LEAP2: variants seen among roughly 807,000 people sequenced by gnomAD.
The protein encoded by LEAP2 is liver enriched antimicrobial peptide 2, also known as liver-expressed antimicrobial peptide 2.
Under a neutral mutation model 9.3 loss-of-function variants are expected in LEAP2, and 13 were observed. That is an observed-to-expected ratio of 1.39 (90% CI 0.91 to 2.21). The LOEUF is 2.21. Among genes scored for constraint, LEAP2 ranks in the 30% most tolerant of loss-of-function variants. LEAP2 has a pLI of 0.00. For missense variants in LEAP2, 98 were observed against 94.0 expected (o/e 1.04, Z -0.17); for synonymous variants, 34 against 34.9 (o/e 0.98, Z 0.09).
chr5:132,873,944 T>TTACAGATAGATGGGGA lies in LEAP2; in HGVS notation c.65_66insGGATACAGATAGATGG. On this transcript the variant is annotated splice_region_variant and splice_polypyrimidine_tract_variant and intron_variant, in intron 1 of 2. Coordinates refer to ENST00000296877, the MANE Select transcript of LEAP2 (RefSeq NM_052971.3). The stretch of plus-strand genomic sequence containing the variant: ...CTTTCATATCTGAATGTCTTTGCCC[T>TTACAGATAGATGGGGA]TACAGATAGATGGCTCCCCAATACC... The TTACAGATAGATGGGGA allele has an allele frequency of 2.5e-6, 4 of 1,613,844 alleles. No homozygotes were observed. The African/African-American group carries it at 5.3e-5, about 22-fold the overall frequency.
rs759044917 is a variant in LEAP2 at position 132,873,740 on chromosome 5, C to T, written c.46C>T (p.Leu16=). ...TGCAGTCCTCATGATCTTCCTGTTG[C>T]TGTTGGGCCAGGTAAGGAGGGAAGG... ...LCAVLMIFLL[L]LGQIDGSPIP... is the part of the protein sequence containing the mutation. The change falls in exon 1 of 3, where the codon CTG becomes TTG. Residue 16 remains leucine (L), a synonymous_variant. Coordinates refer to ENST00000296877, the MANE Select transcript of LEAP2 (RefSeq NM_052971.3). 3 of 1,613,774 alleles carry T rather than the reference C, an allele frequency of 1.9e-6. No homozygotes were observed. The highest frequency in any genetic ancestry group is 2.5e-6 in the Non-Finnish European group (3 of 1,179,710).
Position 132,874,493 on chromosome 5 carries a change from T to G in LEAP2, c.*47T>G, listed in dbSNP as rs368359861. 2.0e-6 allele frequency: 3 copies of G among 1,532,010 alleles called. No individual in the cohort carries two copies. In the Middle Eastern group the frequency reaches 5.1e-4, roughly 258 times the overall value. The allele number at this position is 1,532,010 out of a possible 1,614,324, so 94.9% of individuals were successfully genotyped here. ...GGACAGCAGTCACCTCCGACAATGC[T>G]CCGTTCTATGGAATATTGATTAACT... On this transcript the variant is annotated 3_prime_UTR_variant, in exon 3 of 3. Transcript: ENST00000296877.
Position 132,874,459 on chromosome 5 carries a change from G to A in LEAP2, c.*13G>A, listed in dbSNP as rs1310253885. The A allele has an allele frequency of 6.2e-7, 1 of 1,611,284 alleles. No homozygotes were observed. ...GGCCCAGGAATGATGTACATACCAG[G>A]GAAAGAAAGGACAGCAGTCACCTCC... On this transcript the variant is annotated 3_prime_UTR_variant, in exon 3 of 3. Transcript: ENST00000296877.
chr5:132,874,047 C>T lies in LEAP2; in HGVS notation c.155C>T (p.Ala52Val), dbSNP rs748941433. The T allele has an allele frequency of 6.2e-7, 1 of 1,614,046 alleles. No individual in the cohort carries two copies. Among genetic ancestry groups the T allele is most frequent in the South Asian group, 1.1e-5 (1 of 91,078 alleles). The change falls in exon 2 of 3, where the codon GCC becomes GTC. Residue 52 changes from alanine (A) to valine (V), a missense_variant. Physicochemically the swap from Ala to Val is moderately conservative, Grantham distance 64. Coordinates refer to ENST00000296877, the MANE Select transcript of LEAP2 (RefSeq NM_052971.3). ...GGGGTTTCCCTCAGGCCTATTGGAGCCTCCTGCCGGGATGATTCTGAGTGT... is the reference window on the plus strand; with the variant it reads ...GGGGTTTCCCTCAGGCCTATTGGAGTCTCCTGCCGGGATGATTCTGAGTGT... ...WRGVSLRPIG[A>V]SCRDDSECIT...
chr5:132,874,172 T>C (rs1035482679), intron 2 of LEAP2, 83 bp downstream of exon 2: 8 of 1,433,482 alleles, frequency 5.6e-6, no homozygotes, highest in African/African-American at 1.4e-5. Flanking sequence ...CACATGAACC[T>C]AAGAATAAAG....
chr5:132,873,858 G>A (rs1042063675), intron 1 of LEAP2, 92 bp from the exon 2 acceptor site: 3 of 1,586,874 alleles, frequency 1.9e-6, no homozygotes, highest in Admixed American at 1.7e-5. Flanking sequence ...TCTGTTCTGA[G>A]TCTACAGCAT....
At position 132,873,718 on chromosome 5, in the gene LEAP2, A is replaced by G. The variant is rs749380373; in HGVS notation, c.24A>G (p.Ala8=). The G allele has an allele frequency of 2.5e-6, 4 of 1,614,164 alleles. No homozygotes were observed. In the African/African-American group the frequency reaches 4.0e-5, roughly 16 times the overall value. MWHLKLC[A]VLMIFLLLLG... is the part of the protein sequence containing the mutation. ...AGATGTGGCACCTCAAACTTTGTGC[A>G]GTCCTCATGATCTTCCTGTTGCTGT... Residue 8 remains alanine, a synonymous_variant, in exon 1 of 3, where the codon GCA becomes GCG. Coordinates refer to ENST00000296877, the MANE Select transcript of LEAP2 (RefSeq NM_052971.3).
chr5:132,873,747 G>A lies in LEAP2; in HGVS notation c.53G>A (p.Gly18Asp). 1 of 1,613,584 alleles carries A rather than the reference G, an allele frequency of 6.2e-7. No individual in the cohort carries two copies. Among genetic ancestry groups the A allele is most frequent in the Admixed American group, 1.7e-5 (1 of 60,006 alleles). The change falls in exon 1 of 3, where the codon GGC (glycine) becomes GAC (aspartate). Residue 18 changes from glycine (G) to aspartate (D), a missense_variant. Coordinates refer to ENST00000296877, the MANE Select transcript of LEAP2 (RefSeq NM_052971.3). ...CTCATGATCTTCCTGTTGCTGTTGG[G>A]CCAGGTAAGGAGGGAAGGATACTTA... is the stretch of plus-strand genomic sequence containing the variant. The part of the protein sequence containing the change: ...AVLMIFLLLL[G>D]QIDGSPIPEV...
chr5:132,873,951 T>C lies in LEAP2; in HGVS notation c.59T>C (p.Ile20Thr), dbSNP rs915452146. ...LMIFLLLLGQ[I>T]DGSPIPEVSS... ...ATCTGAATGTCTTTGCCCTTACAGA[T>C]AGATGGCTCCCCAATACCAGAAGTG... The change falls in exon 2 of 3, where the codon ATA becomes ACA. Residue 20 changes from isoleucine (I) to threonine (T), a missense_variant and splice_region_variant. Transcript: ENST00000296877. The C allele has an allele frequency of 6.2e-7, 1 of 1,614,048 alleles. No individual in the cohort carries two copies. The highest frequency in any genetic ancestry group is 1.7e-5 in the Admixed American group (1 of 60,022).
In LEAP2 at chr5:132,873,686, CCT is replaced by C. The variant is rs3215122; in HGVS notation, c.-8_-7del. On this transcript the variant is annotated 5_prime_UTR_variant, in exon 1 of 3. Transcript: ENST00000296877. ...GGCTTTCAGGCTCCAACATCCTCCC[CCT>C]GTCAAGATGTGGCACCTCAAACTTT... 6.7e-3 allele frequency: 10,793 copies of C among 1,613,330 alleles called. 425 individuals carry two copies. The East Asian group carries it at 0.12, about 18-fold the overall frequency.
rs143240777 is a variant in LEAP2, at chr5:132,874,443, A to G, written c.231A>G (p.Glu77=). Reference sequence around the variant, plus strand: ...GCTGTTCCTTAAGTGTGGCCCAGGAATGATGTACATACCAGGGAAAGAAAG... The same window carrying G: ...GCTGTTCCTTAAGTGTGGCCCAGGAGTGATGTACATACCAGGGAAAGAAAG... ...KRRCSLSVAQ[E] Residue 77 remains glutamate (E), a synonymous_variant, in exon 3 of 3, where the codon GAA becomes GAG. Transcript: ENST00000296877. 1.2e-5 allele frequency: 19 copies of G among 1,613,418 alleles called. No homozygotes were observed. In the East Asian group the frequency reaches 1.3e-4, roughly 11 times the overall value.
chr5:132,874,391 A>G lies in LEAP2; in HGVS notation c.198-19A>G. On this transcript the variant is annotated intron_variant, in intron 2 of 2. Coordinates refer to ENST00000296877, the MANE Select transcript of LEAP2 (RefSeq NM_052971.3). ...TTCCTAGACCCAGTCTTAAAAAACTACCCTTTCTTTTCCCCTAGAAAAAGA... is the reference window on the plus strand; with the variant it reads ...TTCCTAGACCCAGTCTTAAAAAACTGCCCTTTCTTTTCCCCTAGAAAAAGA... 6.2e-7 allele frequency: 1 copy of G among 1,611,134 alleles called. No individual in the cohort carries two copies. The highest frequency in any genetic ancestry group is 2.2e-5 in the East Asian group (1 of 44,870).
rs1488226027 is a variant in LEAP2 at position 132,874,601 on chromosome 5, A to T, written c.*155A>T. On this transcript the variant is annotated 3_prime_UTR_variant, in exon 3 of 3. Coordinates refer to ENST00000296877, the MANE Select transcript of LEAP2 (RefSeq NM_052971.3). ...AGATGTACGCTTTAAATTGGTCTCC[A>T]TTTCTTCTTAGAATGTTGATATATG... 1 of 729,324 alleles carries T rather than the reference A, an allele frequency of 1.4e-6. No homozygotes were observed. Among genetic ancestry groups the T allele is most frequent in the African/African-American group, 1.7e-5 (1 of 57,540 alleles). The allele number at this position is 729,324 out of a possible 1,614,324, so 45.2% of individuals were successfully genotyped here. A position where few individuals can be genotyped will look rare whatever the true frequency, so the allele number is the denominator to read the frequency against.
In LEAP2 at chr5:132,874,087, C is replaced by G. The variant is rs763112304; in HGVS notation, c.195C>G (p.Cys65Trp). ...RDDSECITRL[C>W]RKRRCSLSVA... ...ATTCTGAGTGTATCACAAGGCTATG[C>G]AGGTACTCCCTGAACCTGGGAGCAG... The change falls in exon 2 of 3, where the codon TGC becomes TGG. Residue 65 changes from cysteine to tryptophan, a missense_variant and splice_region_variant. Transcript: ENST00000296877. 6.2e-7 allele frequency: 1 copy of G among 1,611,784 alleles called. No homozygotes were observed. The highest frequency in any genetic ancestry group is 8.5e-7 in the Non-Finnish European group (1 of 1,178,522).
In LEAP2 at chr5:132,873,714, G is replaced by A; in HGVS notation, c.20G>A (p.Cys7Tyr). ...GTCAAGATGTGGCACCTCAAACTTT[G>A]TGCAGTCCTCATGATCTTCCTGTTG... MWHLKL[C>Y]AVLMIFLLLL... The change falls in exon 1 of 3, where the codon TGT becomes TAT. Residue 7 changes from cysteine (C) to tyrosine (Y), a missense_variant. Cys to Tyr is a radical substitution (Grantham distance 194). Transcript: ENST00000296877. 6.2e-7 allele frequency: 1 copy of A among 1,614,108 alleles called. No individual in the cohort carries two copies. The highest frequency in any genetic ancestry group is 8.5e-7 in the Non-Finnish European group (1 of 1,179,972).
chr5:132,874,241 T>C, intron 2 of LEAP2, 152 bp downstream of exon 2: 1 of 1,041,748 alleles, frequency 9.6e-7, no homozygotes. Flanking sequence ...CCTTAGGAGT[T>C]AGGAGCCAAG....
Position 132,873,883 on chromosome 5 carries a change from G to C in LEAP2, c.58-67G>C, listed in dbSNP as rs80243369. 999 of 1,600,100 alleles carry C rather than the reference G, an allele frequency of 6.2e-4. 6 individuals carry two copies. The African/African-American group carries it at 0.012, about 20-fold the overall frequency. On this transcript the variant is annotated intron_variant, in intron 1 of 2. Transcript: ENST00000296877. ...GTCTACAGCATCTGCGGAATGGAAT[G>C]ATCACTCTTCCAAGGTGTGCAGCAG... is the stretch of plus-strand genomic sequence containing the variant.
rs1759796500 is a variant in LEAP2 at position 132,874,830 on chromosome 5, T to C, written c.*384T>C. On this transcript the variant is annotated 3_prime_UTR_variant, in exon 3 of 3. Coordinates refer to ENST00000296877, the MANE Select transcript of LEAP2 (RefSeq NM_052971.3). ...AGTGTAGTGAGAGCTACATAATCAA[T>C]AGCTACGTAATCAACTTCAGCAAGT... 1 of 352,180 alleles carries C rather than the reference T, an allele frequency of 2.8e-6. No individual in the cohort carries two copies. The highest frequency in any genetic ancestry group is 2.3e-5 in the South Asian group (1 of 42,880). The allele number at this position is 352,180 out of a possible 1,614,324, so 21.8% of individuals were successfully genotyped here.
Position 132,873,946 on chromosome 5 carries a change from A to C in LEAP2, c.58-4A>C. 1 of 1,614,050 alleles carries C rather than the reference A, an allele frequency of 6.2e-7. No individual in the cohort carries two copies. On this transcript the variant is annotated splice_region_variant and splice_polypyrimidine_tract_variant and intron_variant, in intron 1 of 2. Transcript: ENST00000296877. ...TTCATATCTGAATGTCTTTGCCCTTACAGATAGATGGCTCCCCAATACCAG... is the reference window on the plus strand; with the variant it reads ...TTCATATCTGAATGTCTTTGCCCTTCCAGATAGATGGCTCCCCAATACCAG...
Sources: allele counts gnomAD v4.1 joint callset, GRCh38; gene constraint gnomAD v4.1.1; transcripts MANE v1.5; gene names NCBI Gene and HGNC (gene_info 2026-07-23, HGNC 2026-07-21).